LRRC55: variants seen among roughly 807,000 people sequenced by gnomAD.
LRRC55 encodes leucine-rich repeat-containing protein 55.
Under a neutral mutation model 20.5 loss-of-function variants are expected in LRRC55, and 11 were observed. The observed-to-expected ratio is 0.54, with a 90% confidence interval of 0.34 to 0.89. The LOEUF (loss-of-function observed/expected upper bound fraction) is 0.89. LRRC55 is among the 40% of genes least tolerant of loss of function. The probability of loss-of-function intolerance (pLI) is 0.02; values close to 1 mark genes in which losing one functional copy is unlikely to be tolerated. For synonymous variants in LRRC55, 188 were observed against 166.6 expected (o/e 1.13, Z -0.99); for missense variants, 358 against 390.9 (o/e 0.92, Z 0.71).
Position 57,187,307 on chromosome 11 carries a change from A to G in LRRC55, c.724A>G (p.Thr242Ala), listed in dbSNP as rs775146084. The change falls in exon 2 of 2, where the codon ACT (threonine) becomes GCT (alanine). Residue 242 changes from threonine (T) to alanine (A), a missense_variant. Around this residue, in one of 3 missense-constraint regions of LRRC55, gnomAD observed 178 missense variants for 207.9 expected, o/e 0.86. Transcript: ENST00000497933. ...EVEGAPLFSLTEESFKACHLT... is the reference protein window; with the variant it reads ...EVEGAPLFSLAEESFKACHLT... ...CGAGGGCGCCCCGCTCTTCTCACTC[A>G]CTGAGGAGAGCTTCAAGGCCTGCCA... The G allele has an allele frequency of 6.2e-7, 1 of 1,613,948 alleles. No homozygotes were observed. Among genetic ancestry groups the G allele is most frequent in the Non-Finnish European group, 8.5e-7 (1 of 1,179,970 alleles).
rs1239123100 is a variant in LRRC55, at chr11:57,187,421, G to A, written c.838G>A (p.Gly280Ser). ...TTCTGTGGCCACCAACTTCCTCCTG[G>A]GCATCACTGCCAACTGCTGCCACCG... Reference protein sequence around the residue: ...IASVATNFLLGITANCCHRWS... With the variant: ...IASVATNFLLSITANCCHRWS... The change falls in exon 2 of 2, where the codon GGC becomes AGC. Residue 280 changes from glycine (G) to serine (S), a missense_variant. This residue lies in a region of LRRC55 where 178 missense variants were observed against 207.9 expected (regional missense o/e 0.86). Transcript: ENST00000497933. 1 of 1,614,138 alleles carries A rather than the reference G, an allele frequency of 6.2e-7. No individual in the cohort carries two copies.
chr11:57,187,734 A>C lies in LRRC55; in HGVS notation c.*254A>C. The C allele has an allele frequency of 1.7e-6, 1 of 575,802 alleles. No homozygotes were observed. Among genetic ancestry groups the C allele is most frequent in the South Asian group, 2.2e-5 (1 of 46,256 alleles). 35.7% of individuals were successfully genotyped at this position (575,802 alleles called of 1,614,324 possible). A position where few individuals can be genotyped will look rare whatever the true frequency, so the allele number is the denominator to read the frequency against. On this transcript the variant is annotated 3_prime_UTR_variant, in exon 2 of 2. Transcript: ENST00000497933. ...TCTGGTCAAGGAGAGAGATCCAAAA[A>C]CTATTCCCTTTAAGACTATATGTCA... is the stretch of plus-strand genomic sequence containing the variant.
In LRRC55 at chr11:57,182,106, G is replaced by C. The variant is rs756201565; in HGVS notation, c.84G>C (p.Gly28=). 1.9e-5 allele frequency: 30 copies of C among 1,614,050 alleles called. No homozygotes were observed. The highest frequency in any genetic ancestry group is 2.5e-6 in the Non-Finnish European group (3 of 1,180,028). The change falls in exon 1 of 2, where the codon GGG becomes GGC. Residue 28 remains glycine (G), a synonymous_variant. Coordinates refer to ENST00000497933, the MANE Select transcript of LRRC55 (RefSeq NM_001005210.4). ...MLLISLLLAA[G]LMHSDAGTSC... ...TGATCTCCCTCCTCTTGGCAGCCGG[G>C]TTGATGCACTCGGATGCCGGCACCA... is the stretch of plus-strand genomic sequence containing the variant.
rs192272525 is a variant in LRRC55 at position 57,191,441 on chromosome 11, G to A, written c.*3961G>A. 6.6e-6 allele frequency: 1 copy of A among 152,328 alleles called. No individual in the cohort carries two copies. Among genetic ancestry groups the A allele is most frequent in the East Asian group, 1.9e-4 (1 of 5,182 alleles). The allele number at this position is 152,328 out of a possible 1,614,324, so 9.4% of individuals were successfully genotyped here. A position where few individuals can be genotyped will look rare whatever the true frequency, so the allele number is the denominator to read the frequency against. ...TCTGCGCTTCCCCACCCCAGGAAGA[G>A]GCAAAAGGGAAGTGAGGGCGTCACA... is the stretch of plus-strand genomic sequence containing the variant. On this transcript the variant is annotated 3_prime_UTR_variant, in exon 2 of 2. Transcript: ENST00000497933.
Position 57,182,671 on chromosome 11 carries a change from C to G in LRRC55, c.649C>G (p.Arg217Gly), listed in dbSNP as rs143027441. The G allele has an allele frequency of 1.3e-6, 2 of 1,510,612 alleles. No homozygotes were observed. The highest frequency in any genetic ancestry group is 1.8e-6 in the Non-Finnish European group (2 of 1,129,524). 93.6% of individuals were successfully genotyped at this position (1,510,612 alleles called of 1,614,324 possible). A position where few individuals can be genotyped will look rare whatever the true frequency, so the allele number is the denominator to read the frequency against. Reference protein sequence around the residue: ...LLKWLRNRIQRCTADSQLAEC... With the variant: ...LLKWLRNRIQGCTADSQLAEC... Reference sequence around the variant, plus strand: ...GAAGTGGCTGCGAAACCGGATCCAGCGCTGTACAGCAGGTAATAGAGGGGC... The same window carrying G: ...GAAGTGGCTGCGAAACCGGATCCAGGGCTGTACAGCAGGTAATAGAGGGGC... Residue 217 changes from arginine (R) to glycine (G), a missense_variant, in exon 1 of 2, where the codon CGC (arginine) becomes GGC (glycine). Physicochemically the swap from Arg to Gly is moderately radical, Grantham distance 125 (BLOSUM62 -2). Coordinates refer to ENST00000497933, the MANE Select transcript of LRRC55 (RefSeq NM_001005210.4).
Position 57,189,901 on chromosome 11 carries a change from G to C in LRRC55, c.*2421G>C, listed in dbSNP as rs1212466989. On this transcript the variant is annotated 3_prime_UTR_variant, in exon 2 of 2. Coordinates refer to ENST00000497933, the MANE Select transcript of LRRC55 (RefSeq NM_001005210.4). ...AAAAGAGTCTTCAGAAACTTTGCTA[G>C]ACCTGAAGTACTTGAACCTGTGTCC... is the stretch of plus-strand genomic sequence containing the variant. 6.6e-6 allele frequency: 1 copy of C among 152,260 alleles called. No individual in the cohort carries two copies. The highest frequency in any genetic ancestry group is 1.5e-5 in the Non-Finnish European group (1 of 68,082). The allele number at this position is 152,260 out of a possible 1,614,324, so 9.4% of individuals were successfully genotyped here.
Position 57,190,341 on chromosome 11 carries a change from T to C in LRRC55, c.*2861T>C, listed in dbSNP as rs1279333723. 6.6e-6 allele frequency: 1 copy of C among 152,180 alleles called. No individual in the cohort carries two copies. The highest frequency in any genetic ancestry group is 1.5e-5 in the Non-Finnish European group (1 of 68,026). 9.4% of individuals were successfully genotyped at this position (152,180 alleles called of 1,614,324 possible). On this transcript the variant is annotated 3_prime_UTR_variant, in exon 2 of 2. Coordinates refer to ENST00000497933, the MANE Select transcript of LRRC55 (RefSeq NM_001005210.4). ...ATACATGGCTTTTAAAGGACAGATG[T>C]TTCTCCTGCTGCTAGAAGTTCCTCA...
chr11:57,187,202 T>G, intron 1 of LRRC55, 43 bp from the exon 2 acceptor site: 1 of 1,571,756 alleles, frequency 6.4e-7, no homozygotes, highest in South Asian at 1.1e-5. Context: ...CAATCCCCTC[T>G]CCTTCCCTGG....
chr11:57,185,270 C>CTTCTTTTTTTTTTTTTTT, intron 1 of LRRC55, among the ~76,000 whole-genome samples: 1 of 89,412 alleles, frequency 1.1e-5, no homozygotes, highest in Non-Finnish European at 2.0e-5. Flanking sequence ...CTTTTCTTTT[C>CTTCTTTTTTTTTTTTTTT]TTTTTTTTTT....
In LRRC55 at chr11:57,191,192, C is replaced by A. The variant is rs1854505852; in HGVS notation, c.*3712C>A. ...CCCAGGGAACTTTGCAGAAATAGGT[C>A]TCCAGAGTTGCTACAGAGGTTCATG... On this transcript the variant is annotated 3_prime_UTR_variant, in exon 2 of 2. Coordinates refer to ENST00000497933, the MANE Select transcript of LRRC55 (RefSeq NM_001005210.4). The A allele has an allele frequency of 6.6e-6, 1 of 152,110 alleles. No homozygotes were observed. Among genetic ancestry groups the A allele is most frequent in the South Asian group, 2.1e-4 (1 of 4,812 alleles). 9.4% of individuals were successfully genotyped at this position (152,110 alleles called of 1,614,324 possible).
At chr11:57,184,165 G>A (rs1200363249) in intron 1 of LRRC55, among the ~76,000 whole-genome samples, 2 of 152,228 alleles carry the variant, frequency 1.3e-5, no homozygotes. Flanking sequence ...GGGATGGGGC[G>A]ATGGTGGAGG....
intron 1 of LRRC55, among the ~76,000 whole-genome samples, chr11:57,183,013 G>A (rs1233835101): frequency 1.3e-5 from 2 of 152,084 alleles, no homozygotes; most frequent in Admixed American, 6.5e-5. Flanking sequence ...CTAAGATCTT[G>A]GCATCCATTA....
At position 57,190,505 on chromosome 11, in the gene LRRC55, G is replaced by T. The variant is rs1854494577; in HGVS notation, c.*3025G>T. 1.3e-5 allele frequency: 2 copies of T among 152,202 alleles called. No individual in the cohort carries two copies. Among genetic ancestry groups the T allele is most frequent in the African/African-American group, 4.8e-5 (2 of 41,454 alleles). 9.4% of individuals were successfully genotyped at this position (152,202 alleles called of 1,614,324 possible). A position where few individuals can be genotyped will look rare whatever the true frequency, so the allele number is the denominator to read the frequency against. ...TAATCTAACAATCCTGATTAGAATT[G>T]CTCCCATATCCCTGGTGACCACAGG... On this transcript the variant is annotated 3_prime_UTR_variant, in exon 2 of 2. Transcript: ENST00000497933.
rs1210782499 is a variant in LRRC55 at position 57,191,487 on chromosome 11, T to C, written c.*4007T>C. ...TCACAAGGTCTTTTGTAAATCACTATTGTGTTTGTCACAGCACTGGGCGGA... is the reference window on the plus strand; with the variant it reads ...TCACAAGGTCTTTTGTAAATCACTACTGTGTTTGTCACAGCACTGGGCGGA... On this transcript the variant is annotated 3_prime_UTR_variant, in exon 2 of 2. Coordinates refer to ENST00000497933, the MANE Select transcript of LRRC55 (RefSeq NM_001005210.4). 1.3e-5 allele frequency: 2 copies of C among 151,864 alleles called. No individual in the cohort carries two copies. Among genetic ancestry groups the C allele is most frequent in the South Asian group, 2.1e-4 (1 of 4,798 alleles). The allele number at this position is 151,864 out of a possible 1,614,324, so 9.4% of individuals were successfully genotyped here.
At position 57,187,149 on chromosome 11, in the gene LRRC55, G is replaced by T. The variant is rs530132971; in HGVS notation, c.662-96G>T. The stretch of plus-strand genomic sequence containing the variant: ...GGCACATGGAAGAACTTCAATGAAT[G>T]TCTTTCTTACTTTTTCCAGCAAGCG... On this transcript the variant is annotated intron_variant, in intron 1 of 1. Coordinates refer to ENST00000497933, the MANE Select transcript of LRRC55 (RefSeq NM_001005210.4). 5.3e-5 allele frequency: 57 copies of T among 1,070,714 alleles called. No homozygotes were observed. In the East Asian group the frequency reaches 1.3e-3, roughly 24 times the overall value. 66.3% of individuals were successfully genotyped at this position (1,070,714 alleles called of 1,614,324 possible).
rs777469833 is a variant in LRRC55, at chr11:57,182,354, A to C, written c.332A>C (p.His111Pro). 17 of 1,613,628 alleles carry C rather than the reference A, an allele frequency of 1.1e-5. No individual in the cohort carries two copies. ...GAGCTGCCCCGGGGCCTCTTCCTCCATGCCAAGCGCTTGGCACACTTGGAC... is the reference window on the plus strand; with the variant it reads ...GAGCTGCCCCGGGGCCTCTTCCTCCCTGCCAAGCGCTTGGCACACTTGGAC... ...LMELPRGLFL[H>P]AKRLAHLDLS... Residue 111 changes from histidine to proline, a missense_variant, in exon 1 of 2, where the codon CAT (histidine) becomes CCT (proline). Physicochemically the swap from His to Pro is moderately conservative, Grantham distance 77. Transcript: ENST00000497933.
chr11:57,187,472 G>A lies in LRRC55; in HGVS notation c.889G>A (p.Glu297Lys), dbSNP rs1387433242. Reference sequence around the variant, plus strand: ...CTGGAGCAAGGCCAGTGAAGAGGAAGAGATCTGACATGCCTGCCTCTCATC... The same window carrying A: ...CTGGAGCAAGGCCAGTGAAGAGGAAAAGATCTGACATGCCTGCCTCTCATC... ...HRWSKASEEEEI is the reference protein window; with the variant it reads ...HRWSKASEEEKI Residue 297 changes from glutamate to lysine, a missense_variant, in exon 2 of 2, where the codon GAG becomes AAG. By Grantham distance (56) the Glu-to-Lys change is moderately conservative. Transcript: ENST00000497933. The A allele has an allele frequency of 1.1e-5, 17 of 1,613,748 alleles. No homozygotes were observed. Among genetic ancestry groups the A allele is most frequent in the Non-Finnish European group, 1.4e-5 (16 of 1,179,950 alleles).
chr11:57,187,999 A>G lies in LRRC55; in HGVS notation c.*519A>G, dbSNP rs1412867962. 6.0e-6 allele frequency: 1 copy of G among 165,768 alleles called. No individual in the cohort carries two copies. The highest frequency in any genetic ancestry group is 2.4e-5 in the African/African-American group (1 of 41,540). 10.3% of individuals were successfully genotyped at this position (165,768 alleles called of 1,614,324 possible). On this transcript the variant is annotated 3_prime_UTR_variant, in exon 2 of 2. Transcript: ENST00000497933. The stretch of plus-strand genomic sequence containing the variant: ...TACTTGTATAGAGGGGGTGTGGCAC[A>G]GAACTCAAACCTACCCCTCACCTCC...
Position 57,182,556 on chromosome 11 carries a change from C to T in LRRC55, c.534C>T (p.Ser178=). The T allele has an allele frequency of 6.4e-7, 1 of 1,561,756 alleles. No homozygotes were observed. The highest frequency in any genetic ancestry group is 8.7e-7 in the Non-Finnish European group (1 of 1,152,512). ...GTTATGGGGGCCTGGCCTTCCTCAG[C>T]CTGGAGGCTCTTGAGGGCCTACCGG... ...DLSYGGLAFL[S]LEALEGLPGL... Residue 178 remains serine (S), a synonymous_variant, in exon 1 of 2, where the codon AGC becomes AGT. Transcript: ENST00000497933.
Sources: gnomAD v4.1 joint callset for allele counts (sites outside exome capture counted in the v4.1 genomes callset) on GRCh38, gnomAD v4.1.1 for gene constraint, gnomAD v4.1.1 regional missense constraint, MANE v1.5 for transcripts, NCBI Gene and HGNC (gene_info 2026-07-23, HGNC 2026-07-21) for gene names.